CD3G: variants seen among roughly 807,000 people sequenced by gnomAD.
CD3G encodes the protein CD3 gamma subunit of T-cell receptor complex.
In CD3G, 24 loss-of-function variants were observed where a neutral mutation model predicts 28.3. The observed-to-expected ratio is 0.85, with a 90% confidence interval of 0.61 to 1.19. CD3G has a LOEUF of 1.19. CD3G is among the 50% of genes most tolerant of loss of function. The pLI is 0.00. For missense variants in CD3G, 211 were observed against 210.0 expected (o/e 1.00, Z -0.03); for synonymous variants, 71 against 75.9 (o/e 0.93, Z 0.34).
chr11:118,344,876 G>A (rs1282622100), intron 1 of CD3G, among the ~76,000 whole-genome samples: 1 of 152,232 alleles, frequency 6.6e-6, no homozygotes, highest in Non-Finnish European at 1.5e-5. Flanking sequence ...TGGCCAATTG[G>A]TCAACAAAGA....
In CD3G at chr11:118,344,408, G is replaced by A; in HGVS notation, c.-16G>A. ...TAAGGGCTGCTCCACGCTTTTGCCGGAGGACAGAGACTGACATGGAACAGG... is the reference window on the plus strand; with the variant it reads ...TAAGGGCTGCTCCACGCTTTTGCCGAAGGACAGAGACTGACATGGAACAGG... On this transcript the variant is annotated 5_prime_UTR_variant, in exon 1 of 7. Transcript: ENST00000532917. 1 of 1,562,938 alleles carries A rather than the reference G, an allele frequency of 6.4e-7. No homozygotes were observed. Among genetic ancestry groups the A allele is most frequent in the Non-Finnish European group, 8.7e-7 (1 of 1,153,054 alleles).
rs960628628 is a variant in CD3G, at chr11:118,354,497, C to T, written c.*1397C>T. The T allele has an allele frequency of 2.0e-5, 3 of 150,718 alleles. No individual in the cohort carries two copies. The highest frequency in any genetic ancestry group is 7.3e-5 in the African/African-American group (3 of 41,018). 9.3% of individuals were successfully genotyped at this position (150,718 alleles called of 1,614,324 possible). A position where few individuals can be genotyped will look rare whatever the true frequency, so the allele number is the denominator to read the frequency against. ...TTTTGTGTATTTAGTATTTGTGTATCTAGTATTTGTGTACTTAGTAGAGAC... is the reference window on the plus strand; with the variant it reads ...TTTTGTGTATTTAGTATTTGTGTATTTAGTATTTGTGTACTTAGTAGAGAC... On this transcript the variant is annotated 3_prime_UTR_variant, in exon 7 of 7. Transcript: ENST00000532917.
chr11:118,351,335 T>C (rs1948408612), intron 4 of CD3G, among the ~76,000 whole-genome samples: 1 of 152,102 alleles, frequency 6.6e-6, no homozygotes, highest in Non-Finnish European at 1.5e-5. Flanking sequence ...ACCAATGCCA[T>C]TGAAGCCCCT....
At chr11:118,349,483 C>A in intron 2 of CD3G, 1 of 600,582 alleles carries the variant, frequency 1.7e-6, no homozygotes, top group Non-Finnish European at 2.9e-6. Context: ...AAAGTTTTAC[C>A]CCTACTAATT....
intron 1 of CD3G, among the ~76,000 whole-genome samples, chr11:118,346,448 CA>C (rs374730992): frequency 8.4e-5 from 12 of 142,814 alleles, no homozygotes; most frequent in African/African-American, 1.8e-4. Flanking sequence ...AAAAACAAAA[CA>C]AAAAAAAAAG....
intron 1 of CD3G, among the ~76,000 whole-genome samples, chr11:118,345,968 C>A (rs567011999): frequency 2.0e-5 from 3 of 152,168 alleles, no homozygotes; most frequent in African/African-American, 7.2e-5. Flanking sequence ...GTAAAGACAA[C>A]ACAGGTTGAG....
intron 3 of CD3G, chr11:118,350,336 G>A (rs1005329308): frequency 1.6e-6 from 1 of 607,322 alleles, no homozygotes; most frequent in African/African-American, 1.8e-5. Flanking sequence ...GATACTTCCT[G>A]GTAGTTAGAC....
At chr11:118,347,332 A>C (rs1948366221) in intron 1 of CD3G, among the ~76,000 whole-genome samples, 2 of 152,216 alleles carry the variant, frequency 1.3e-5, no homozygotes, top group Non-Finnish European at 2.9e-5. Context: ...CCTTGGACAA[A>C]ATTAATAGCT....
intron 1 of CD3G, among the ~76,000 whole-genome samples, chr11:118,348,569 T>C (rs1591283562): frequency 6.6e-6 from 1 of 152,138 alleles, no homozygotes; most frequent in Admixed American, 6.5e-5. Context: ...TATTGAGGTA[T>C]CTTTACATAG....
At chr11:118,350,943 C>G (rs1423130283) in intron 4 of CD3G, 1 of 1,114,836 alleles carries the variant, frequency 9.0e-7, no homozygotes, top group Non-Finnish European at 1.1e-6. Context: ...AATCACAACA[C>G]TTTGGGAGGC....
At chr11:118,349,632 T>A in intron 2 of CD3G, 111 bp from the exon 3 acceptor site, 1 of 846,762 alleles carries the variant, frequency 1.2e-6, no homozygotes, top group Middle Eastern at 2.2e-4. Context: ...ATGTGATTCA[T>A]GTGCACATCA....
chr11:118,353,416 A>G lies in CD3G; in HGVS notation c.*316A>G, dbSNP rs1948426077. The G allele has an allele frequency of 6.6e-6, 1 of 151,716 alleles. No individual in the cohort carries two copies. The highest frequency in any genetic ancestry group is 1.5e-5 in the Non-Finnish European group (1 of 67,966). 9.4% of individuals were successfully genotyped at this position (151,716 alleles called of 1,614,324 possible). On this transcript the variant is annotated 3_prime_UTR_variant, in exon 7 of 7. Transcript: ENST00000532917. ...GTTGTAATTTTTATTTCGTTTTTGT[A>G]TAGGTTATAATTCACATGGCTCAAA...
At chr11:118,352,364 G>A in intron 5 of CD3G, 40 bp from the exon 6 acceptor site, 1 of 1,534,444 alleles carries the variant, frequency 6.5e-7, no homozygotes. Context: ...AATTAATAGA[G>A]GATGGAAAAA....
rs1192895476 is a variant in CD3G, at chr11:118,349,121, G to A, written c.79+71G>A. ...GGAAATTTGGCTTCCTACAACAGTA[G>A]TCCTACAGGAGCGAACAGTTTAGAA... On this transcript the variant is annotated intron_variant, in intron 2 of 6. Transcript: ENST00000532917. 2.5e-6 allele frequency: 4 copies of A among 1,613,670 alleles called. No homozygotes were observed. The African/African-American group carries it at 4.0e-5, about 16-fold the overall frequency.
At chr11:118,352,593 C>A in intron 6 of CD3G, 106 bp downstream of exon 6, 3 of 825,058 alleles carry the variant, frequency 3.6e-6, no homozygotes, top group Non-Finnish European at 6.3e-6. Context: ...GCATCAGACT[C>A]TGGGGATCAG....
At chr11:118,346,847 C>T (rs1948361973) in intron 1 of CD3G, among the ~76,000 whole-genome samples, 1 of 148,510 alleles carries the variant, frequency 6.7e-6, no homozygotes, top group South Asian at 2.2e-4. Flanking sequence ...AAAACTATGT[C>T]AATGATCAGT....
intron 3 of CD3G, 75 bp downstream of exon 3, chr11:118,350,045 G>A (rs2134070032): frequency 1.7e-6 from 2 of 1,145,480 alleles, no homozygotes; most frequent in South Asian, 1.3e-5. Flanking sequence ...TTTATCTGGG[G>A]TGAAAGTGGA....
chr11:118,352,364 GGATGGAAAAAAT>G, intron 5 of CD3G, 28 bp from the exon 6 acceptor site: 1 of 1,534,444 alleles, frequency 6.5e-7, no homozygotes, highest in Non-Finnish European at 9.0e-7. Flanking sequence ...AATTAATAGA[GGATGGAAAAAAT>G]GACTTATGAC....
At chr11:118,349,398 G>T in intron 2 of CD3G, 1 of 882,512 alleles carries the variant, frequency 1.1e-6, no homozygotes, top group South Asian at 1.8e-5. Context: ...TACCCAAAGT[G>T]ATCTCATCAT....
Sources: gnomAD v4.1 joint callset for allele counts (sites outside exome capture counted in the v4.1 genomes callset) on GRCh38, gnomAD v4.1.1 for gene constraint, MANE v1.5 for transcripts, NCBI Gene and HGNC (gene_info 2026-07-23, HGNC 2026-07-21) for gene names.